The following ITPR2 variants were observed in gnomAD, a reference collection of about 807,000 sequenced individuals.
ITPR2 encodes the protein inositol 1,4,5-trisphosphate-gated calcium channel ITPR2.
A neutral mutation model predicts 317.1 loss-of-function variants in ITPR2; 207 were observed. The observed-to-expected ratio is 0.65, with a 90% CI of 0.58 to 0.73. The LOEUF (loss-of-function observed/expected upper bound fraction) is 0.73. ITPR2 is among the 30% of genes least tolerant of loss of function. ITPR2 has a pLI of 0.00. For synonymous variants in ITPR2, 1,156 were observed against 1,149.1 expected, an observed-to-expected ratio of 1.01 and a Z score of -0.12; for missense variants, 2,613 against 3,284.0, an observed-to-expected ratio of 0.80 and a Z score of 4.99.
chr12:26,463,220 C>A (rs1249005350), intron 45 of ITPR2, among the ~76,000 whole-genome samples: 1 of 152,166 alleles, frequency 6.6e-6, no homozygotes, highest in African/African-American at 2.4e-5. Context: ...ACAGTACAAT[C>A]ATTAAATAAT....
chr12:26,807,541 G>T (rs527867134), intron 1 of ITPR2, among the ~76,000 whole-genome samples: 4 of 152,336 alleles, frequency 2.6e-5, no homozygotes, highest in Admixed American at 2.6e-4. Context: ...CACTGCCTCT[G>T]CAGTCTGAAG....
chr12:26,770,863 A>G (rs1056159690), intron 2 of ITPR2, among the ~76,000 whole-genome samples: 7 of 152,208 alleles, frequency 4.6e-5, no homozygotes, highest in Non-Finnish European at 1.0e-4. Flanking sequence ...CTGGAGGCCA[A>G]AAGTCCAAAG....
intron 2 of ITPR2, among the ~76,000 whole-genome samples, chr12:26,769,264 T>C (rs1289201626): frequency 6.6e-6 from 1 of 152,158 alleles, no homozygotes; most frequent in African/African-American, 2.4e-5. Context: ...TAAAAGACAA[T>C]TTCTAAACCA....
Position 26,725,746 on chromosome 12 carries a change from G to A in ITPR2, c.183C>T (p.Cys61=). 1.2e-6 allele frequency: 2 copies of A among 1,612,524 alleles called. No individual in the cohort carries two copies. The change falls in exon 3 of 57, where the codon TGC becomes TGT. Residue 61 remains cysteine, a synonymous_variant. Coordinates refer to ENST00000381340, the MANE Select transcript of ITPR2 (RefSeq NM_002223.4). ...TCTGGGCAGAATATCTGTTCATAGGGCACACCTTGAAAAGGCAGTCTGTGA... is the reference window on the plus strand; with the variant it reads ...TCTGGGCAGAATATCTGTTCATAGGACACACCTTGAAAAGGCAGTCTGTGA... ...KKFRDCLFKV[C]PMNRYSAQKQ... is the part of the protein sequence containing the mutation.
chr12:26,666,853 C>T (rs534664372), intron 13 of ITPR2, among the ~76,000 whole-genome samples: 1 of 152,164 alleles, frequency 6.6e-6, no homozygotes, highest in Non-Finnish European at 1.5e-5. Flanking sequence ...CCTTCCTCTG[C>T]CTGCTCTTTA....
intron 13 of ITPR2, among the ~76,000 whole-genome samples, chr12:26,672,692 A>T (rs1947809221): frequency 6.6e-6 from 1 of 152,074 alleles, no homozygotes; most frequent in Non-Finnish European, 1.5e-5. Context: ...GCAAGAAATA[A>T]CTAAAATCAG....
intron 2 of ITPR2, among the ~76,000 whole-genome samples, chr12:26,773,102 G>A (rs1007690629): frequency 6.6e-6 from 1 of 152,026 alleles, no homozygotes; most frequent in African/African-American, 2.4e-5. Flanking sequence ...TTTTATGGCT[G>A]CCCAAGATCT....
chr12:26,816,902 T>A (rs558978793), intron 1 of ITPR2, among the ~76,000 whole-genome samples: 97 of 151,622 alleles, frequency 6.4e-4, no homozygotes, highest in Non-Finnish European at 9.6e-4. Flanking sequence ...GAACTCAGAA[T>A]GTCTGTGTAA....
At chr12:26,701,626 C>A (rs1377593281) in intron 9 of ITPR2, among the ~76,000 whole-genome samples, 1 of 152,024 alleles carries the variant, frequency 6.6e-6, no homozygotes, top group Non-Finnish European at 1.5e-5. Context: ...CAAACCAGGC[C>A]CTTTTCACAT....
chr12:26,724,607 TGACA>T (rs1328067902), intron 4 of ITPR2, 45 bp downstream of exon 4: 3 of 1,207,240 alleles, frequency 2.5e-6, no homozygotes, highest in African/African-American at 1.5e-5. Context: ...GCCAACTTAC[TGACA>T]AACTCCACAT....
At chr12:26,700,690 TAG>T (rs1230955158) in intron 9 of ITPR2, among the ~76,000 whole-genome samples, 2 of 152,000 alleles carry the variant, frequency 1.3e-5, no homozygotes, top group Non-Finnish European at 2.9e-5. Flanking sequence ...AACCGCAGGC[TAG>T]AGAGTTTGCA....
At chr12:26,476,075 T>A (rs927705746) in intron 44 of ITPR2, among the ~76,000 whole-genome samples, 6 of 152,240 alleles carry the variant, frequency 3.9e-5, no homozygotes, top group African/African-American at 1.4e-4. Context: ...AATGTGTTGG[T>A]CCTTGTAACT....
At position 26,678,081 on chromosome 12, in the gene ITPR2, T is replaced by C. The variant is rs541807303; in HGVS notation, c.1409+3793A>G. Among the ~76,000 whole-genome samples, 26 of 152,282 alleles carry C rather than the reference T, an allele frequency of 1.7e-4. 1 individual carries two copies. The South Asian group carries it at 5.2e-3, about 30-fold the overall frequency. On this transcript the variant is annotated intron_variant, in intron 13 of 56. Coordinates refer to ENST00000381340, the MANE Select transcript of ITPR2 (RefSeq NM_002223.4). ...CTGGCACATACCAGGAGTTCAGTAA[T>C]ACTGAATTAATCACATCTCTGAACT...
At chr12:26,585,148 T>C (rs940263180) in intron 32 of ITPR2, among the ~76,000 whole-genome samples, 3 of 152,150 alleles carry the variant, frequency 2.0e-5, no homozygotes, top group Non-Finnish European at 4.4e-5. Context: ...AATCCTATAA[T>C]TCAGATAAGA....
At chr12:26,806,361 T>C in intron 1 of ITPR2, among the ~76,000 whole-genome samples, 1 of 152,012 alleles carries the variant, frequency 6.6e-6, no homozygotes, top group East Asian at 1.9e-4. Context: ...CCAAACATGA[T>C]TTTTAATAGG....
At chr12:26,825,189 C>T (rs1003509690) in intron 1 of ITPR2, among the ~76,000 whole-genome samples, 41 of 152,124 alleles carry the variant, frequency 2.7e-4, no homozygotes, top group African/African-American at 8.2e-4. Flanking sequence ...GCCAAGATCA[C>T]GCCACTGCAC....
At chr12:26,766,469 G>T (rs1949720952) in intron 2 of ITPR2, among the ~76,000 whole-genome samples, 1 of 151,864 alleles carries the variant, frequency 6.6e-6, no homozygotes, top group South Asian at 2.1e-4. Flanking sequence ...CAATTGGGTT[G>T]TCTTTTTATT....
chr12:26,678,841 C>T (rs1947969275), intron 13 of ITPR2, among the ~76,000 whole-genome samples: 2 of 152,198 alleles, frequency 1.3e-5, no homozygotes, highest in African/African-American at 2.4e-5. Context: ...TAATCTCCAG[C>T]TGTGACTGAA....
intron 13 of ITPR2, among the ~76,000 whole-genome samples, chr12:26,675,359 A>G (rs2136947990): frequency 6.6e-6 from 1 of 152,374 alleles, no homozygotes; most frequent in Admixed American, 6.5e-5. Flanking sequence ...ATGGAATACT[A>G]TGTAGCCATA....
Sources: gnomAD v4.1 joint callset for allele counts (sites outside exome capture counted in the v4.1 genomes callset) on GRCh38, gnomAD v4.1.1 for gene constraint, MANE v1.5 for transcripts, NCBI Gene and HGNC (gene_info 2026-07-23, HGNC 2026-07-21) for gene names.